The following UBXN11 variants were observed in gnomAD, a reference collection of about 807,000 sequenced individuals.
UBXN11 encodes the protein UBX domain protein 11.
In UBXN11, 47 loss-of-function variants were observed where a neutral mutation model predicts 62.8. The observed-to-expected ratio is 0.75, with a 90% CI of 0.59 to 0.95. UBXN11 has a LOEUF of 0.95. UBXN11 is among the 40% of genes least tolerant of loss of function. The pLI is 0.00. For synonymous variants in UBXN11, 294 were observed against 267.0 expected (o/e 1.10, Z -0.99); for missense variants, 638 against 661.7 (o/e 0.96, Z 0.39).
At chr1:26,313,021 G>T (rs1302440612) in intron 1 of UBXN11, among the ~76,000 whole-genome samples, 1 of 124,894 alleles carries the variant, frequency 8.0e-6, no homozygotes, top group Non-Finnish European at 1.7e-5. Flanking sequence ...ATGAGCAAAA[G>T]ACTGAATGGA....
intron 1 of UBXN11, among the ~76,000 whole-genome samples, chr1:26,316,074 G>A (rs939422402): frequency 6.9e-6 from 1 of 145,790 alleles, no homozygotes; most frequent in African/African-American, 2.6e-5. Context: ...ATCCTCCTGC[G>A]TCAGCCCCCA....
intron 4 of UBXN11, 143 bp downstream of exon 4, chr1:26,300,783 C>A (rs532741977): frequency 2.2e-6 from 3 of 1,394,876 alleles, no homozygotes; most frequent in Non-Finnish European, 2.9e-6. Flanking sequence ...CAAGCCAGGT[C>A]CCTGCCACAA....
intron 10 of UBXN11, 74 bp from the exon 11 acceptor site, chr1:26,284,556 G>A: frequency 6.6e-7 from 1 of 1,511,510 alleles, no homozygotes; most frequent in South Asian, 1.3e-5. Flanking sequence ...ATCCCTATTT[G>A]CCTAAACACA....
At chr1:26,301,632 C>T (rs2124668059) in intron 3 of UBXN11, 62 bp downstream of exon 3, 1 of 1,601,728 alleles carries the variant, frequency 6.2e-7, no homozygotes, top group Middle Eastern at 1.7e-4. Context: ...CTCCATCGGT[C>T]CAACTGTAGG....
chr1:26,300,843 G>A (rs1242134808), intron 4 of UBXN11, 83 bp downstream of exon 4: 3 of 1,601,584 alleles, frequency 1.9e-6, no homozygotes, highest in Non-Finnish European at 2.6e-6. Flanking sequence ...CGAGAGGAAG[G>A]GCCATGCCTC....
chr1:26,309,458 T>C (rs2073718038), upstream of UBXN11, among the ~76,000 whole-genome samples: 1 of 151,750 alleles, frequency 6.6e-6, no homozygotes, highest in East Asian at 1.9e-4. Flanking sequence ...CAGGATGGTC[T>C]CTATCTCCTG....
At chr1:26,316,807 C>A (rs999502185) in intron 1 of UBXN11, among the ~76,000 whole-genome samples, 1 of 151,678 alleles carries the variant, frequency 6.6e-6, no homozygotes, top group Non-Finnish European at 1.5e-5. Flanking sequence ...CACAGCCACT[C>A]TCTCACCCCA....
intron 12 of UBXN11, among the ~76,000 whole-genome samples, chr1:26,283,591 A>G (rs1266316644): frequency 6.6e-6 from 1 of 152,142 alleles, no homozygotes; most frequent in Non-Finnish European, 1.5e-5. Context: ...GCTGTCTGGG[A>G]GAGACACTCT....
chr1:26,285,725 AG>A, intron 9 of UBXN11, 97 bp downstream of exon 9: 1 of 1,462,872 alleles, frequency 6.8e-7, no homozygotes, highest in Non-Finnish European at 9.2e-7. Flanking sequence ...TGCCCCGTGG[AG>A]GGCAGGCTGG....
intron 8 of UBXN11, among the ~76,000 whole-genome samples, chr1:26,286,850 C>T (rs987780006): frequency 6.6e-6 from 1 of 152,142 alleles, no homozygotes; most frequent in Admixed American, 6.5e-5. Flanking sequence ...AGGCATGAGC[C>T]ACCACACCCG....
At position 26,282,409 on chromosome 1, in the gene UBXN11, G is replaced by T; in HGVS notation, c.1453C>A (p.Pro485Thr). The T allele has an allele frequency of 6.2e-7, 1 of 1,603,306 alleles. No individual in the cohort carries two copies. Among genetic ancestry groups the T allele is most frequent in the Non-Finnish European group, 8.5e-7 (1 of 1,173,968 alleles). ...GGGCCGGGACCGGGACCGGGACAGG[G>T]ACCAGGACTGAATTTCAGGCTGGAC... ...PKSSLKFSPG[P>T]CPGPGPGPSP... The change falls in exon 15 of 15, where the codon CCC (proline) becomes ACC (threonine). Residue 485 changes from proline (P) to threonine (T), a missense_variant. By Grantham distance (38) the Pro-to-Thr change is conservative. Transcript: ENST00000374222.
chr1:26,297,991 T>C lies in UBXN11; in HGVS notation c.271A>G (p.Lys91Glu). ...GACAGTATCTCATCAGTCTGGGCCT[T>C]CACCTGCTGCTCCAGGTCCCACAAC... Reference protein sequence around the residue: ...RKLWDLEQQVKAQTDEILSKD... With the variant: ...RKLWDLEQQVEAQTDEILSKD... Residue 91 changes from lysine (K) to glutamate (E), a missense_variant, in exon 5 of 15, where the codon AAG (lysine) becomes GAG (glutamate). Coordinates refer to ENST00000374222, the MANE Select transcript of UBXN11 (RefSeq NM_001389556.1). 1 of 1,614,060 alleles carries C rather than the reference T, an allele frequency of 6.2e-7. No individual in the cohort carries two copies. The highest frequency in any genetic ancestry group is 8.5e-7 in the Non-Finnish European group (1 of 1,179,990).
At chr1:26,284,017 GCT>G (rs1412543687) in intron 12 of UBXN11, 123 bp downstream of exon 12, 1 of 991,848 alleles carries the variant, frequency 1.0e-6, no homozygotes, top group African/African-American at 1.6e-5. Flanking sequence ...TGGAGCAACA[GCT>G]CTGAGGGACT....
chr1:26,303,027 G>T, intron 1 of UBXN11, 109 bp from the exon 2 acceptor site: 1 of 690,942 alleles, frequency 1.4e-6, no homozygotes, highest in Non-Finnish European at 2.4e-6. Context: ...GGGAAGCGCT[G>T]TCTAGGCAGC....
chr1:26,317,206 A>G (rs2073804321), intron 1 of UBXN11, among the ~76,000 whole-genome samples: 1 of 152,048 alleles, frequency 6.6e-6, no homozygotes. Flanking sequence ...ATGCCAGTGC[A>G]CAGAGCAAAA....
chr1:26,299,733 C>T (rs922863250), intron 4 of UBXN11, among the ~76,000 whole-genome samples: 1 of 152,050 alleles, frequency 6.6e-6, no homozygotes, highest in Admixed American at 6.6e-5. Flanking sequence ...TTGGTAGGGA[C>T]AGATATTGGC....
chr1:26,301,184 G>C, intron 3 of UBXN11, 160 bp from the exon 4 acceptor site: 7 of 1,394,566 alleles, frequency 5.0e-6, no homozygotes, highest in Non-Finnish European at 6.7e-6. Context: ...AACCAGAATG[G>C]GGCTGTTTTG....
At chr1:26,292,347 G>A (rs1023081433) in intron 8 of UBXN11, among the ~76,000 whole-genome samples, 8 of 151,668 alleles carry the variant, frequency 5.3e-5, no homozygotes, top group African/African-American at 1.5e-4. Context: ...GCGAGACCTC[G>A]TCTCTACAAA....
At chr1:26,313,564 G>A (rs1247610605) in intron 1 of UBXN11, among the ~76,000 whole-genome samples, 1 of 152,042 alleles carries the variant, frequency 6.6e-6, no homozygotes, top group Non-Finnish European at 1.5e-5. Flanking sequence ...TGTCACTGTT[G>A]TATTCCCAGT....
Sources: allele counts gnomAD v4.1 joint callset (sites outside exome capture counted in the v4.1 genomes callset), GRCh38; gene constraint gnomAD v4.1.1; transcripts MANE v1.5; gene names NCBI Gene and HGNC (gene_info 2026-07-23, HGNC 2026-07-21).